ARL17A: variants seen among roughly 807,000 people sequenced by gnomAD.
ARL17A encodes ARF like GTPase 17A.
At chr17:46,524,585 CCTAG>C (rs1489308941), downstream of ARL17A, among the ~76,000 whole-genome samples, 3 of 19,438 alleles carry the variant, frequency 1.5e-4, no homozygotes, top group Non-Finnish European at 1.2e-4. Flanking sequence ...CACCTGTGAT[CCTAG>C]CTATCGGGAG....
At chr17:46,558,611 G>C (rs1598599690) in intron 3 of ARL17A, among the ~76,000 whole-genome samples, 1 of 106,264 alleles carries the variant, frequency 9.4e-6, no homozygotes, top group South Asian at 2.9e-4. Context: ...GGCTAGTCTT[G>C]AACTCCTGAC....
At chr17:46,542,518 TATATATAGATATAG>T (rs1397960820) in intron 3 of ARL17A, among the ~76,000 whole-genome samples, 2 of 146,942 alleles carry the variant, frequency 1.4e-5, no homozygotes, top group Non-Finnish European at 3.0e-5. Context: ...TTGCAGGATA[TATATATAGATATAG>T]ATATATATAT....
the ARL17A span, among the ~76,000 whole-genome samples, chr17:46,502,284 C>T: frequency 6.6e-6 from 1 of 151,046 alleles, no homozygotes; most frequent in Non-Finnish European, 1.5e-5. Context: ...TACTTGACCC[C>T]CACTGTTATC....
chr17:46,534,683 C>A (rs1352431571), intron 4 of ARL17A, among the ~76,000 whole-genome samples: 1 of 149,932 alleles, frequency 6.7e-6, no homozygotes, highest in African/African-American at 2.5e-5. Context: ...CCATCGTCAT[C>A]ATGGCCCGTT....
At chr17:46,541,856 A>G (rs1187872648) in intron 3 of ARL17A, among the ~76,000 whole-genome samples, 1 of 150,708 alleles carries the variant, frequency 6.6e-6, no homozygotes, top group Non-Finnish European at 1.5e-5. Context: ...GGACTTTGGT[A>G]TCTGCAGGGG....
intron 3 of ARL17A, among the ~76,000 whole-genome samples, chr17:46,542,221 AT>A (rs1230987875): frequency 1.4e-5 from 2 of 139,474 alleles, no homozygotes; most frequent in Non-Finnish European, 3.0e-5. Flanking sequence ...ATGGCTTGTG[AT>A]TTTTTGTTTC....
the ARL17A span, among the ~76,000 whole-genome samples, chr17:46,500,684 T>C: frequency 6.6e-6 from 1 of 151,214 alleles, no homozygotes; most frequent in South Asian, 2.1e-4. Flanking sequence ...AGTAGCAAGG[T>C]TGTTTTTTGT....
chr17:46,529,343 C>T (rs1288815939), intron 4 of ARL17A, among the ~76,000 whole-genome samples: 243 of 92,330 alleles, frequency 2.6e-3, no homozygotes, highest in Admixed American at 9.7e-3. Flanking sequence ...TAGAGCAGTA[C>T]TTCTTAAACT....
chr17:46,502,157 T>C, the ARL17A span, among the ~76,000 whole-genome samples: 1 of 151,114 alleles, frequency 6.6e-6, no homozygotes, highest in African/African-American at 2.5e-5. Flanking sequence ...TTTCACAGCA[T>C]AAAGCTCATC....
the ARL17A span, among the ~76,000 whole-genome samples, chr17:46,504,950 T>TTATTTAATACATTGATTTA: frequency 1.9e-5 from 2 of 106,594 alleles, no homozygotes; most frequent in East Asian, 3.4e-4. Context: ...ATTAACTAAT[T>TTATTTAATACATTGATTTA]TTGAGAGAGA....
intron 4 of ARL17A, among the ~76,000 whole-genome samples, chr17:46,532,352 T>C (rs2053806465): frequency 6.6e-6 from 1 of 150,514 alleles, no homozygotes; most frequent in Non-Finnish European, 1.5e-5. Context: ...TCCATCTACA[T>C]TCATAAGAAA....
downstream of ARL17A, among the ~76,000 whole-genome samples, chr17:46,516,250 C>G (rs566616914): frequency 1.5e-5 from 2 of 135,098 alleles, no homozygotes; most frequent in Admixed American, 1.6e-4. Context: ...TTGCAGTGAG[C>G]CGAGATTGCA....
chr17:46,543,322 C>G lies in ARL17A; in HGVS notation c.260-4896G>C, dbSNP rs2055735007. Among the ~76,000 whole-genome samples, 3 of 150,456 alleles carry G rather than the reference C, an allele frequency of 2.0e-5. No homozygotes were observed. In the South Asian group the frequency reaches 6.2e-4, roughly 31 times the overall value. Reference sequence around the variant, plus strand: ...ATTGAAAAATTATTCTCAAGTATACCTCAGGTCATTTACAGTCTCAAAGAT... The same window carrying G: ...ATTGAAAAATTATTCTCAAGTATACGTCAGGTCATTTACAGTCTCAAAGAT... On this transcript the variant is annotated intron_variant, in intron 3 of 4. Transcript: ENST00000329240.
At chr17:46,504,953 G>GATTTATTAATT in the ARL17A span, among the ~76,000 whole-genome samples, 6 of 102,028 alleles carry the variant, frequency 5.9e-5, no homozygotes, top group Non-Finnish European at 7.5e-5. Context: ...AACTAATTTT[G>GATTTATTAATT]AGAGAGAGTC....
the ARL17A span, among the ~76,000 whole-genome samples, chr17:46,500,795 C>A: frequency 2.6e-5 from 4 of 151,062 alleles, no homozygotes; most frequent in African/African-American, 9.9e-5. Flanking sequence ...TTTTACTCAT[C>A]TGGATCTTAG....
intron 4 of ARL17A, among the ~76,000 whole-genome samples, chr17:46,529,143 A>G (rs2053264264): frequency 7.3e-6 from 1 of 136,478 alleles, no homozygotes; most frequent in South Asian, 2.3e-4. Flanking sequence ...TCCTCAGTTA[A>G]TAGAAAGGAA....
chr17:46,534,909 G>A (rs559942935), intron 4 of ARL17A, among the ~76,000 whole-genome samples: 1 of 149,388 alleles, frequency 6.7e-6, no homozygotes, highest in East Asian at 2.0e-4. Flanking sequence ...CTGGGCGGAG[G>A]GGCTCCTCAC....
At chr17:46,502,593 C>T in the ARL17A span, among the ~76,000 whole-genome samples, 1 of 151,398 alleles carries the variant, frequency 6.6e-6, no homozygotes, top group East Asian at 1.9e-4. Flanking sequence ...TGAGCCACTG[C>T]TCCTGGCCTT....
chr17:46,532,021 C>T (rs1473766967), intron 4 of ARL17A, among the ~76,000 whole-genome samples: 6 of 149,554 alleles, frequency 4.0e-5, no homozygotes, highest in Non-Finnish European at 8.8e-5. Flanking sequence ...CATTATTTTG[C>T]ACATAGATGT....
Sources: allele counts gnomAD v4.1 joint callset (sites outside exome capture counted in the v4.1 genomes callset), GRCh38; gene constraint gnomAD v4.1.1; transcripts MANE v1.5; gene names NCBI Gene and HGNC (gene_info 2026-07-23, HGNC 2026-07-21).